The following CDH23 variants were observed in gnomAD, a reference collection of about 807,000 sequenced individuals.
CDH23 encodes the protein cadherin-23.
In CDH23, 189 loss-of-function variants were observed where a neutral mutation model predicts 317.1. That is an observed-to-expected ratio of 0.60 (90% CI 0.53 to 0.67). CDH23 has a LOEUF of 0.67. CDH23 is among the 30% of genes least tolerant of loss of function. CDH23 has a pLI of 0.00. For missense variants in CDH23, 4,401 were observed against 4,592.4 expected (o/e 0.96, Z 1.20); for synonymous variants, 1,839 against 1,876.8 (o/e 0.98, Z 0.52).
chr10:71,472,431 G>A (rs545844794), intron 3 of CDH23, among the ~76,000 whole-genome samples: 6 of 152,302 alleles, frequency 3.9e-5, no homozygotes, highest in Admixed American at 6.5e-5. Context: ...CCGTGTGACC[G>A]ATTCCCCACG....
intron 1 of CDH23, among the ~76,000 whole-genome samples, chr10:71,432,081 T>G (rs1849396713): frequency 6.6e-6 from 1 of 152,164 alleles, no homozygotes; most frequent in South Asian, 2.1e-4. Flanking sequence ...GGAACCTGGC[T>G]TCCTCCAACC....
At chr10:71,454,566 C>T (rs1376619788) in intron 3 of CDH23, among the ~76,000 whole-genome samples, 3 of 152,298 alleles carry the variant, frequency 2.0e-5, no homozygotes, top group Admixed American at 2.0e-4. Context: ...AATTCTACCA[C>T]TCATGGCACG....
chr10:71,565,971 A>C (rs1857373536), intron 6 of CDH23, among the ~76,000 whole-genome samples: 1 of 152,224 alleles, frequency 6.6e-6, no homozygotes, highest in Admixed American at 6.5e-5. Context: ...GGAAAAGCAC[A>C]TTCAGACAGC....
chr10:71,723,911 C>T (rs1866684919), intron 28 of CDH23, 134 bp from the exon 29 acceptor site: 7 of 977,196 alleles, frequency 7.2e-6, no homozygotes, highest in Middle Eastern at 4.1e-4. Flanking sequence ...CCCACACCCC[C>T]AGCCTCTGAG....
At chr10:71,504,103 G>A (rs966146971) in intron 3 of CDH23, among the ~76,000 whole-genome samples, 2 of 151,984 alleles carry the variant, frequency 1.3e-5, no homozygotes, top group Non-Finnish European at 1.5e-5. Flanking sequence ...ATTTTTAAGT[G>A]TATAGTTTAG....
chr10:71,474,764 T>A (rs1851702078), intron 3 of CDH23, among the ~76,000 whole-genome samples: 1 of 152,204 alleles, frequency 6.6e-6, no homozygotes, highest in Non-Finnish European at 1.5e-5. Context: ...TGCGCTCCTC[T>A]GTGTGCTCAG....
chr10:71,591,173 C>T (rs922937318), intron 9 of CDH23, among the ~76,000 whole-genome samples: 12 of 152,016 alleles, frequency 7.9e-5, no homozygotes, highest in Admixed American at 6.6e-4. Flanking sequence ...CAGAGGAGGC[C>T]GAGAGGGCTG....
intron 9 of CDH23, among the ~76,000 whole-genome samples, chr10:71,607,490 C>T (rs373232197): frequency 1.3e-5 from 2 of 152,218 alleles, no homozygotes; most frequent in African/African-American, 2.4e-5. Context: ...AGACACTTTG[C>T]GCAGTGCCCA....
In CDH23 at chr10:71,530,034, G is replaced by GACACACACACACACACAC. The variant is rs57652121; in HGVS notation, c.429+18841_429+18858dup. Among the ~76,000 whole-genome samples the GACACACACACACACACAC allele has an allele frequency of 2.8e-3, 394 of 140,910 alleles. 3 individuals carry two copies. Among genetic ancestry groups the GACACACACACACACACAC allele is most frequent in the African/African-American group, 5.6e-3 (210 of 37,550 alleles). The allele number at this position is 140,910 out of a possible 152,430, so 92.4% of individuals were successfully genotyped here. A position where few individuals can be genotyped will look rare whatever the true frequency, so the allele number is the denominator to read the frequency against. On this transcript the variant is annotated intron_variant, in intron 6 of 69. Coordinates refer to ENST00000224721, the MANE Select transcript of CDH23 (RefSeq NM_022124.6). ...GCATTTGCACACATACACACATACA[G>GACACACACACACACACAC]ACACACACACACACACACACACACA...
At chr10:71,448,047 G>T (rs1850255099) in intron 3 of CDH23, among the ~76,000 whole-genome samples, 1 of 152,252 alleles carries the variant, frequency 6.6e-6, no homozygotes, top group Admixed American at 6.5e-5. Flanking sequence ...TGAGGCAGTG[G>T]TGTGGCCAGT....
In CDH23 at chr10:71,811,360, T is replaced by C; in HGVS notation, c.9123T>C (p.Leu3041=). 5 of 1,613,868 alleles carry C rather than the reference T, an allele frequency of 3.1e-6. No individual in the cohort carries two copies. Among genetic ancestry groups the C allele is most frequent in the Non-Finnish European group, 4.2e-6 (5 of 1,179,860 alleles). Residue 3041 remains leucine (L), a synonymous_variant, in exon 63 of 70, where the codon CTT becomes CTC. Transcript: ENST00000224721. Reference sequence around the variant, plus strand: ...AGAACAAGGAGCAGCTACGGAATCTTTTCCGGAACTACAACGTCCTGGACG... The same window carrying C: ...AGAACAAGGAGCAGCTACGGAATCTCTTCCGGAACTACAACGTCCTGGACG... The part of the protein sequence containing the change: ...IDENKEQLRN[L]FRNYNVLDVQ...
rs953957951 is a variant in CDH23, at chr10:71,760,796, A to T, written c.4846-16884A>T. ...TGGGGTGATGAGGCCAGAGTTCCAAACAGGGTCTGGGTGCAGGATGAGGAC... is the reference window on the plus strand; with the variant it reads ...TGGGGTGATGAGGCCAGAGTTCCAATCAGGGTCTGGGTGCAGGATGAGGAC... On this transcript the variant is annotated intron_variant, in intron 38 of 69. Coordinates refer to ENST00000224721, the MANE Select transcript of CDH23 (RefSeq NM_022124.6). 6 of 1,469,124 alleles carry T rather than the reference A, an allele frequency of 4.1e-6. No homozygotes were observed. In the African/African-American group the frequency reaches 7.0e-5, roughly 17 times the overall value. 91.0% of individuals were successfully genotyped at this position (1,469,124 alleles called of 1,614,324 possible).
In CDH23 at chr10:71,403,278, G is replaced by A. The variant is rs182807556; in HGVS notation, c.-6+5960G>A. On this transcript the variant is annotated intron_variant, in intron 1 of 69. Transcript: ENST00000224721. ...AGTTGTTGGTTGGAGCTGAGTTGCC[G>A]GTACCCCTTTCATTTGCTTGCTTTC... 1.1e-3 allele frequency among the ~76,000 whole-genome samples: 171 copies of A among 151,788 alleles called. 1 individual carries two copies. Among genetic ancestry groups the A allele is most frequent in the African/African-American group, 4.0e-3 (166 of 41,338 alleles).
chr10:71,461,495 C>T (rs1463129353), intron 3 of CDH23, among the ~76,000 whole-genome samples: 2 of 152,254 alleles, frequency 1.3e-5, no homozygotes, highest in Admixed American at 6.5e-5. Flanking sequence ...CAGCAGGGGC[C>T]TCCCCACAGC....
chr10:71,545,906 G>A (rs763981583), intron 6 of CDH23, among the ~76,000 whole-genome samples: 21 of 152,178 alleles, frequency 1.4e-4, no homozygotes, highest in Non-Finnish European at 3.1e-4. Context: ...CCACCCCCCA[G>A]GGAGTGACGG....
intron 44 of CDH23, among the ~76,000 whole-genome samples, chr10:71,787,812 A>T (rs1408194978): frequency 6.6e-6 from 1 of 152,204 alleles, no homozygotes; most frequent in African/African-American, 2.4e-5. Flanking sequence ...CATTGATTCC[A>T]TATCTTTGCT....
At chr10:71,695,940 C>A (rs146986896) in intron 22 of CDH23, among the ~76,000 whole-genome samples, 24 of 152,364 alleles carry the variant, frequency 1.6e-4, no homozygotes, top group African/African-American at 5.5e-4. Context: ...CTGCAGTCAT[C>A]CATCTGGGTC....
intron 14 of CDH23, among the ~76,000 whole-genome samples, chr10:71,667,369 T>A (rs1172895047): frequency 6.4e-4 from 59 of 92,606 alleles, no homozygotes; most frequent in Middle Eastern, 6.1e-3. Context: ...AGTGTGTGTG[T>A]GTGTGTGTGT....
intron 3 of CDH23, among the ~76,000 whole-genome samples, chr10:71,468,040 G>C (rs750000214): frequency 6.6e-6 from 1 of 152,080 alleles, no homozygotes; most frequent in South Asian, 2.1e-4. Flanking sequence ...GAGGAATTGC[G>C]GGCGAAACAA....
Sources: allele counts gnomAD v4.1 joint callset (sites outside exome capture counted in the v4.1 genomes callset), GRCh38; gene constraint gnomAD v4.1.1; transcripts MANE v1.5; gene names NCBI Gene and HGNC (gene_info 2026-07-23, HGNC 2026-07-21).